Variants in VOPP1 observed in about 807,000 individuals in gnomAD.
The protein encoded by VOPP1 is WW domain binding protein VOPP1.
In VOPP1, 8 loss-of-function variants were observed where a neutral mutation model predicts 23.5. That is an observed-to-expected ratio of 0.34 (90% CI 0.20 to 0.61). VOPP1 has a LOEUF of 0.61. Ranked by LOEUF, VOPP1 falls within the 20% of genes least tolerant of loss-of-function variation. VOPP1 has a pLI of 0.78. For missense variants in VOPP1, 174 were observed against 238.1 expected (o/e 0.73, Z 1.77); for synonymous variants, 83 against 97.3 (o/e 0.85, Z 0.86).
chr7:55,497,476 C>T (rs1282335725), intron 3 of VOPP1, 137 bp downstream of exon 3: 2 of 731,600 alleles, frequency 2.7e-6, no homozygotes, highest in Admixed American at 5.2e-5. Flanking sequence ...CCCAAACATA[C>T]CCATTTTCCT....
intron 4 of VOPP1, among the ~76,000 whole-genome samples, chr7:55,449,858 G>C (rs1791200150): frequency 6.6e-6 from 1 of 152,178 alleles, no homozygotes; most frequent in South Asian, 2.1e-4. Flanking sequence ...CTACTTCTGG[G>C]CATCAGGGAT....
intron 4 of VOPP1, among the ~76,000 whole-genome samples, chr7:55,489,800 C>G (rs1186872097): frequency 6.6e-6 from 1 of 152,126 alleles, no homozygotes; most frequent in Non-Finnish European, 1.5e-5. Flanking sequence ...TACTTGGTGC[C>G]TGAGACCATG....
intron 1 of VOPP1, among the ~76,000 whole-genome samples, chr7:55,522,162 A>AGGT (rs1795906803): frequency 6.6e-6 from 1 of 152,236 alleles, no homozygotes; most frequent in Admixed American, 6.5e-5. Context: ...CAGCCCCAGC[A>AGGT]GGTGTACAGC....
intron 1 of VOPP1, among the ~76,000 whole-genome samples, chr7:55,523,714 C>A (rs773662415): frequency 6.6e-5 from 10 of 152,190 alleles, no homozygotes; most frequent in Non-Finnish European, 1.2e-4. Flanking sequence ...TTGTTCTTCA[C>A]ACATACTGAA....
intron 1 of VOPP1, among the ~76,000 whole-genome samples, chr7:55,560,250 T>C: frequency 6.6e-6 from 1 of 152,292 alleles, no homozygotes. Context: ...GCAAGCAAAG[T>C]AATGCCACCT....
intron 1 of VOPP1, among the ~76,000 whole-genome samples, chr7:55,543,498 T>A (rs1797229929): frequency 6.6e-6 from 1 of 152,216 alleles, no homozygotes; most frequent in South Asian, 2.1e-4. Flanking sequence ...GCCTCCATAC[T>A]GCTCTCCATA....
intron 1 of VOPP1, among the ~76,000 whole-genome samples, chr7:55,547,517 A>G (rs979872303): frequency 1.3e-5 from 2 of 152,218 alleles, no homozygotes; most frequent in Non-Finnish European, 2.9e-5. Flanking sequence ...CCTCATGTAA[A>G]CTTGAGAAAC....
rs1199729810 is a variant in VOPP1 at position 55,562,157 on chromosome 7, G to A, written c.54+10114C>T. ...CGCTGAGAATGGCAAGGAGGTCTCTGTAGATACTGAAAGCTTTCCAAGGGC... is the reference window on the plus strand; with the variant it reads ...CGCTGAGAATGGCAAGGAGGTCTCTATAGATACTGAAAGCTTTCCAAGGGC... On this transcript the variant is annotated intron_variant, in intron 1 of 4. Coordinates refer to ENST00000285279, the MANE Select transcript of VOPP1 (RefSeq NM_030796.5). The A allele has an allele frequency of 1.0e-5, 7 of 691,694 alleles. No homozygotes were observed. In the African/African-American group the frequency reaches 1.2e-4, roughly 12 times the overall value. The allele number at this position is 691,694 out of a possible 1,614,324, so 42.8% of individuals were successfully genotyped here.
intron 1 of VOPP1, among the ~76,000 whole-genome samples, chr7:55,547,229 G>A (rs985044741): frequency 8.5e-5 from 13 of 152,128 alleles, no homozygotes; most frequent in African/African-American, 2.9e-4. Flanking sequence ...GGCTGGGGAC[G>A]GGGGACAAAG....
intron 4 of VOPP1, among the ~76,000 whole-genome samples, chr7:55,476,178 G>A (rs1792234931): frequency 6.6e-6 from 1 of 152,232 alleles, no homozygotes; most frequent in African/African-American, 2.4e-5. Context: ...CATGTCATCT[G>A]TCTCTGGACA....
chr7:55,536,824 G>C (rs549275052), intron 1 of VOPP1, among the ~76,000 whole-genome samples: 1 of 152,154 alleles, frequency 6.6e-6, no homozygotes, highest in African/African-American at 2.4e-5. Flanking sequence ...AGGGCGCACC[G>C]TACCCAGTCT....
intron 1 of VOPP1, 68 bp from the exon 2 acceptor site, chr7:55,521,198 A>G: frequency 4.8e-6 from 7 of 1,462,364 alleles, no homozygotes; most frequent in Non-Finnish European, 6.6e-6. Context: ...AAGCTCTCAC[A>G]AAGGCAGAAA....
Position 55,565,697 on chromosome 7 carries a change from A to G in VOPP1, c.54+6574T>C, listed in dbSNP as rs548973339. ...GTGGATTAGCAGCAGCACATGTTAAAAAGATTTCGGTCTCACTGCAAACTC... is the reference window on the plus strand; with the variant it reads ...GTGGATTAGCAGCAGCACATGTTAAGAAGATTTCGGTCTCACTGCAAACTC... On this transcript the variant is annotated intron_variant, in intron 1 of 4. Transcript: ENST00000285279. Among the ~76,000 whole-genome samples, 9 of 152,354 alleles carry G rather than the reference A, an allele frequency of 5.9e-5. 1 individual carries two copies. In the South Asian group the frequency reaches 1.9e-3, roughly 32 times the overall value.
At chr7:55,484,678 A>T (rs1412732136) in intron 4 of VOPP1, among the ~76,000 whole-genome samples, 2 of 152,216 alleles carry the variant, frequency 1.3e-5, no homozygotes, top group African/African-American at 4.8e-5. Context: ...AGAGAGAGAA[A>T]AGGCATCCCA....
At chr7:55,476,051 G>C (rs1792219737) in intron 4 of VOPP1, among the ~76,000 whole-genome samples, 1 of 152,192 alleles carries the variant, frequency 6.6e-6, no homozygotes, top group African/African-American at 2.4e-5. Context: ...GTTCAGGCAA[G>C]GGTGGGATGG....
chr7:55,489,424 G>C (rs1326040846), intron 4 of VOPP1, among the ~76,000 whole-genome samples: 1 of 152,196 alleles, frequency 6.6e-6, no homozygotes, highest in African/African-American at 2.4e-5. Context: ...TCTTCCGTGG[G>C]AAGCCTTCCT....
intron 4 of VOPP1, among the ~76,000 whole-genome samples, chr7:55,487,926 T>C (rs1340278026): frequency 1.3e-5 from 2 of 152,186 alleles, no homozygotes; most frequent in African/African-American, 4.8e-5. Flanking sequence ...GCTTTTACAT[T>C]TTCTCCACCG....
chr7:55,550,064 G>A (rs543434696), intron 1 of VOPP1, among the ~76,000 whole-genome samples: 16 of 152,332 alleles, frequency 1.1e-4, no homozygotes, highest in Admixed American at 3.9e-4. Context: ...CTGCACAGCC[G>A]TGCACAGGCG....
intron 2 of VOPP1, among the ~76,000 whole-genome samples, chr7:55,519,035 G>C (rs1019819717): frequency 6.6e-6 from 1 of 152,162 alleles, no homozygotes; most frequent in African/African-American, 2.4e-5. Context: ...GGGTTTCCTG[G>C]CATCATGAGA....
Sources: gnomAD v4.1 joint callset for allele counts (sites outside exome capture counted in the v4.1 genomes callset) on GRCh38, gnomAD v4.1.1 for gene constraint, MANE v1.5 for transcripts, NCBI Gene and HGNC (gene_info 2026-07-23, HGNC 2026-07-21) for gene names.